Variants in UST observed in about 807,000 individuals in gnomAD.
UST encodes the protein uronyl 2-sulfotransferase.
A neutral mutation model predicts 45.6 loss-of-function variants in UST; 21 were observed. The ratio of observed to expected loss-of-function variants is 0.46; its 90% confidence interval spans 0.33 to 0.66. UST has a LOEUF of 0.66. UST is among the 30% of genes least tolerant of loss of function. The pLI is 0.02. For missense variants in UST, 463 were observed against 512.4 expected (o/e 0.90, Z 0.93); for synonymous variants, 215 against 200.6 (o/e 1.07, Z -0.61).
chr6:149,068,951 G>A (rs1369897360), intron 7 of UST, among the ~76,000 whole-genome samples: 1 of 152,070 alleles, frequency 6.6e-6, no homozygotes, highest in Non-Finnish European at 1.5e-5. Context: ...CCTCCTTGTG[G>A]TCAACTTCTT....
intron 5 of UST, among the ~76,000 whole-genome samples, chr6:149,010,631 A>G (rs1775790483): frequency 6.6e-6 from 1 of 152,082 alleles, no homozygotes; most frequent in Admixed American, 6.6e-5. Flanking sequence ...CCAGTGGCTC[A>G]TGCCTGTAGT....
At chr6:148,903,467 T>C (rs142602394) in intron 2 of UST, among the ~76,000 whole-genome samples, 456 of 152,318 alleles carry the variant, frequency 3.0e-3, no homozygotes, top group African/African-American at 9.5e-3. Flanking sequence ...CAAAATATTA[T>C]TTTTAAATTT....
At chr6:149,004,613 A>T (rs1781611394) in intron 5 of UST, among the ~76,000 whole-genome samples, 1 of 152,174 alleles carries the variant, frequency 6.6e-6, no homozygotes, top group Non-Finnish European at 1.5e-5. Context: ...ATTCCACTGG[A>T]GGTAGTACCT....
intron 2 of UST, among the ~76,000 whole-genome samples, chr6:148,933,357 A>G (rs896916670): frequency 2.6e-5 from 4 of 152,208 alleles, no homozygotes; most frequent in East Asian, 3.8e-4. Context: ...ATTATCCACT[A>G]TGCACATAAC....
chr6:149,042,999 C>CTTTCTTTCTT (rs1776340407), intron 7 of UST, among the ~76,000 whole-genome samples: 3 of 117,680 alleles, frequency 2.5e-5, no homozygotes, highest in South Asian at 5.1e-4. Context: ...TTCTTTCTTT[C>CTTTCTTTCTT]TTTCTTTCTT....
intron 1 of UST, among the ~76,000 whole-genome samples, chr6:148,859,130 TC>T (rs1778258885): frequency 1.3e-5 from 2 of 152,200 alleles, no homozygotes; most frequent in Admixed American, 6.5e-5. Flanking sequence ...GTAAAAGTGT[TC>T]CTATTTCTCC....
chr6:148,910,301 C>T (rs1173376453), intron 2 of UST, among the ~76,000 whole-genome samples: 2 of 152,078 alleles, frequency 1.3e-5, no homozygotes, highest in Non-Finnish European at 2.9e-5. Flanking sequence ...CCACCACACC[C>T]AGCTAAGTTT....
At chr6:148,891,119 T>G (rs1779010271) in intron 2 of UST, among the ~76,000 whole-genome samples, 1 of 152,126 alleles carries the variant, frequency 6.6e-6, no homozygotes, top group Non-Finnish European at 1.5e-5. Context: ...AATCTAAAAA[T>G]CAGAAAAAGA....
At position 148,948,017 on chromosome 6, in the gene UST, C is replaced by T. The variant is rs1397139368; in HGVS notation, c.448-5855C>T. Among the ~76,000 whole-genome samples, 6 of 152,238 alleles carry T rather than the reference C, an allele frequency of 3.9e-5. No homozygotes were observed. The East Asian group carries it at 9.6e-4, about 24-fold the overall frequency. Reference sequence around the variant, plus strand: ...TCCAGTTGCAGCCATGAGATTTTCTCTGTAATTGAGACCCAGGCTCTTTGC... The same window carrying T: ...TCCAGTTGCAGCCATGAGATTTTCTTTGTAATTGAGACCCAGGCTCTTTGC... On this transcript the variant is annotated intron_variant, in intron 3 of 7. Coordinates refer to ENST00000367463, the MANE Select transcript of UST (RefSeq NM_005715.3).
intron 2 of UST, among the ~76,000 whole-genome samples, chr6:148,913,112 G>T (rs996672133): frequency 6.6e-6 from 1 of 152,212 alleles, no homozygotes; most frequent in African/African-American, 2.4e-5. Context: ...GATTAGTGGA[G>T]CCAGTAAGGA....
intron 3 of UST, among the ~76,000 whole-genome samples, chr6:148,943,461 A>G (rs1465302002): frequency 6.6e-6 from 1 of 152,240 alleles, no homozygotes; most frequent in Non-Finnish European, 1.5e-5. Flanking sequence ...AACATGAAAA[A>G]GTAAAATACA....
At chr6:148,885,455 C>G (rs9386239) in intron 1 of UST, among the ~76,000 whole-genome samples, 45,797 of 152,098 alleles carry the variant, frequency 0.3, 7,459 homozygotes, top group East Asian at 0.47. Flanking sequence ...CATGCACGCT[C>G]TCAGTGGAGT....
At chr6:148,882,077 T>C (rs1283559066) in intron 1 of UST, among the ~76,000 whole-genome samples, 1 of 152,142 alleles carries the variant, frequency 6.6e-6, no homozygotes, top group African/African-American at 2.4e-5. Context: ...TAAGAAACCA[T>C]GGGAGCACGG....
intron 1 of UST, among the ~76,000 whole-genome samples, chr6:148,794,356 G>A (rs1294443730): frequency 6.6e-6 from 1 of 152,116 alleles, no homozygotes; most frequent in African/African-American, 2.4e-5. Context: ...TTTTCTTCTA[G>A]TAACTGCATT....
At chr6:148,818,998 T>G (rs1777406462) in intron 1 of UST, among the ~76,000 whole-genome samples, 1 of 152,294 alleles carries the variant, frequency 6.6e-6, no homozygotes, top group South Asian at 2.1e-4. Flanking sequence ...AAGACCACTC[T>G]TTGGGGAAAA....
intron 4 of UST, among the ~76,000 whole-genome samples, chr6:148,961,052 G>A (rs1483404767): frequency 6.6e-6 from 1 of 152,184 alleles, no homozygotes; most frequent in Non-Finnish European, 1.5e-5. Flanking sequence ...GCCTCTCAGA[G>A]TGAGAAACAT....
At chr6:148,944,736 A>G (rs1269045655) in intron 3 of UST, among the ~76,000 whole-genome samples, 1 of 152,250 alleles carries the variant, frequency 6.6e-6, no homozygotes, top group East Asian at 1.9e-4. Flanking sequence ...AGCATGGGCA[A>G]TGGCTGCTGG....
chr6:148,832,718 G>A (rs1777712046), intron 1 of UST, among the ~76,000 whole-genome samples: 1 of 152,154 alleles, frequency 6.6e-6, no homozygotes, highest in African/African-American at 2.4e-5. Flanking sequence ...TGAGCCTTAG[G>A]ATACAATACC....
chr6:148,964,355 G>A, intron 4 of UST, 55 bp from the exon 5 acceptor site: 2 of 1,599,134 alleles, frequency 1.3e-6, no homozygotes, highest in Middle Eastern at 1.7e-4. Flanking sequence ...TGTCTAAGTA[G>A]GCCCTGTTTT....
Sources: gnomAD v4.1 joint callset for allele counts (sites outside exome capture counted in the v4.1 genomes callset) on GRCh38, gnomAD v4.1.1 for gene constraint, MANE v1.5 for transcripts, NCBI Gene and HGNC (gene_info 2026-07-23, HGNC 2026-07-21) for gene names.